The following MECOM variants were observed in gnomAD, a reference collection of about 807,000 sequenced individuals.
The protein encoded by MECOM is MDS1 and EVI1 complex locus.
MECOM carries 13 observed loss-of-function variants against 116.3 expected under a neutral mutation model. The ratio of observed to expected loss-of-function variants is 0.11; its 90% confidence interval spans 0.07 to 0.18. The LOEUF is 0.18. MECOM is among the 10% of genes least tolerant of loss of function. The probability of loss-of-function intolerance (pLI) is 1.00; values close to 1 mark genes in which losing one functional copy is unlikely to be tolerated. For synonymous variants in MECOM, 528 were observed against 535.2 expected, an observed-to-expected ratio of 0.99 and a Z score of 0.19; for missense variants, 1,299 against 1,509.0, an observed-to-expected ratio of 0.86 and a Z score of 2.31.
chr3:169,489,505 C>A (rs1241230504), intron 1 of MECOM, among the ~76,000 whole-genome samples: 1 of 152,066 alleles, frequency 6.6e-6, no homozygotes, highest in Non-Finnish European at 1.5e-5. Context: ...AAAGATGTGA[C>A]AATTTTAAAA....
At chr3:169,145,072 G>A in intron 2 of MECOM, 2 of 1,510,854 alleles carry the variant, frequency 1.3e-6, no homozygotes, top group East Asian at 2.5e-5. Flanking sequence ...TGGCCATGAG[G>A]AAATTGAAGG....
At chr3:169,098,960 C>T (rs894425129) in intron 12 of MECOM, among the ~76,000 whole-genome samples, 1 of 152,132 alleles carries the variant, frequency 6.6e-6, no homozygotes, top group East Asian at 1.9e-4. Flanking sequence ...AACACTGATA[C>T]ATTAACTAAA....
At chr3:169,195,800 A>G (rs1343174045) in intron 2 of MECOM, among the ~76,000 whole-genome samples, 1 of 152,000 alleles carries the variant, frequency 6.6e-6, no homozygotes, top group Non-Finnish European at 1.5e-5. Context: ...CACCACTGTA[A>G]GCCAGAGCAA....
chr3:169,627,534 C>T (rs1771532676), intron 1 of MECOM, among the ~76,000 whole-genome samples: 1 of 152,102 alleles, frequency 6.6e-6, no homozygotes, highest in Non-Finnish European at 1.5e-5. Flanking sequence ...GAACATGTTA[C>T]TTTTGAAATA....
intron 1 of MECOM, among the ~76,000 whole-genome samples, chr3:169,494,807 T>C (rs568748081): frequency 2.0e-5 from 3 of 152,350 alleles, no homozygotes; most frequent in East Asian, 3.9e-4. Context: ...ACTGCCTTCA[T>C]GAGAAGAAAT....
chr3:169,511,989 C>A (rs1018692403), intron 1 of MECOM, among the ~76,000 whole-genome samples: 9 of 152,118 alleles, frequency 5.9e-5, no homozygotes, highest in African/African-American at 2.2e-4. Context: ...TCTTGAAATT[C>A]CCATAGGGCA....
intron 2 of MECOM, among the ~76,000 whole-genome samples, chr3:169,282,794 T>C (rs1470463872): frequency 6.6e-6 from 1 of 151,840 alleles, no homozygotes; most frequent in Non-Finnish European, 1.5e-5. Flanking sequence ...ATTAATCAAT[T>C]ATGCTACTGT....
intron 2 of MECOM, among the ~76,000 whole-genome samples, chr3:169,212,906 C>A (rs1750957063): frequency 6.6e-6 from 1 of 151,396 alleles, no homozygotes; most frequent in Non-Finnish European, 1.5e-5. Context: ...TCCTATCATT[C>A]AGACCACACT....
chr3:169,366,137 T>G (rs1371636945), intron 2 of MECOM, among the ~76,000 whole-genome samples: 1 of 152,020 alleles, frequency 6.6e-6, no homozygotes, highest in Admixed American at 6.6e-5. Context: ...AGATGAGGTC[T>G]GGAATGACCT....
chr3:169,504,621 C>G (rs1272836161), intron 1 of MECOM, among the ~76,000 whole-genome samples: 2 of 151,990 alleles, frequency 1.3e-5, no homozygotes, highest in African/African-American at 4.8e-5. Context: ...GTTTCCATAC[C>G]CAACAAAATT....
chr3:169,183,829 TATATAC>T (rs777700846), intron 2 of MECOM, among the ~76,000 whole-genome samples: 1,916 of 142,314 alleles, frequency 0.013, 85 homozygotes, highest in African/African-American at 0.026. Flanking sequence ...CATATATATA[TATATAC>T]ACACATACAT....
chr3:169,289,846 A>T (rs1714152198), intron 2 of MECOM, among the ~76,000 whole-genome samples: 1 of 152,208 alleles, frequency 6.6e-6, no homozygotes, highest in Non-Finnish European at 1.5e-5. Context: ...ATATATGGAA[A>T]CCTGAAAATA....
rs141093149 is a variant in MECOM, at chr3:169,433,099, C to G, written c.38-51575G>C. ...AAAAGTTTATAGAAACGGTGAGACC[C>G]AATTGTGGAAAATTCATTTTATGTA... is the stretch of plus-strand genomic sequence containing the variant. On this transcript the variant is annotated intron_variant, in intron 1 of 16. Coordinates refer to ENST00000651503, the MANE Select transcript of MECOM (RefSeq NM_004991.4). Among the ~76,000 whole-genome samples the G allele has an allele frequency of 7.8e-4, 118 of 152,206 alleles. 1 individual carries two copies. The highest frequency in any genetic ancestry group is 2.6e-3 in the African/African-American group (107 of 41,532).
At chr3:169,382,522 A>G (rs748392174) in intron 1 of MECOM, among the ~76,000 whole-genome samples, 3 of 149,102 alleles carry the variant, frequency 2.0e-5, no homozygotes, top group Non-Finnish European at 4.4e-5. Context: ...AAACCAATCA[A>G]AGGGGATTTC....
intron 2 of MECOM, among the ~76,000 whole-genome samples, chr3:169,359,227 C>G (rs1165934314): frequency 6.6e-6 from 1 of 151,704 alleles, no homozygotes; most frequent in African/African-American, 2.4e-5. Context: ...TAGAGGATTG[C>G]AATTGGCAAT....
intron 1 of MECOM, among the ~76,000 whole-genome samples, chr3:169,563,186 T>C (rs942965699): frequency 6.6e-6 from 1 of 152,146 alleles, no homozygotes; most frequent in African/African-American, 2.4e-5. Flanking sequence ...GGGTGCACCC[T>C]GGCAGACAAG....
At chr3:169,276,727 C>T (rs987485543) in intron 2 of MECOM, among the ~76,000 whole-genome samples, 3 of 151,994 alleles carry the variant, frequency 2.0e-5, no homozygotes, top group African/African-American at 4.8e-5. Flanking sequence ...CAAGAAGGTA[C>T]GCATAAGAAG....
chr3:169,421,629 C>T (rs1251724741), intron 1 of MECOM, among the ~76,000 whole-genome samples: 1 of 151,850 alleles, frequency 6.6e-6, no homozygotes, highest in Non-Finnish European at 1.5e-5. Context: ...GGCTAACCAA[C>T]GAGAATTCTC....
intron 1 of MECOM, among the ~76,000 whole-genome samples, chr3:169,420,926 T>G (rs1475118394): frequency 6.6e-6 from 1 of 152,172 alleles, no homozygotes; most frequent in Non-Finnish European, 1.5e-5. Flanking sequence ...TGAACACAAT[T>G]TTATGTAGGG....
Sources: gnomAD v4.1 joint callset for allele counts (sites outside exome capture counted in the v4.1 genomes callset) on GRCh38, gnomAD v4.1.1 for gene constraint, MANE v1.5 for transcripts, NCBI Gene and HGNC (gene_info 2026-07-23, HGNC 2026-07-21) for gene names.